CCDC150: variants seen among roughly 807,000 people sequenced by gnomAD.
CCDC150 encodes the protein coiled-coil domain-containing protein 150.
A neutral mutation model predicts 156.5 loss-of-function variants in CCDC150; 151 were observed. The ratio of observed to expected loss-of-function variants is 0.97; its 90% CI spans 0.85 to 1.10. CCDC150 has a LOEUF of 1.10. Ranked by LOEUF, CCDC150 falls within the 50% of genes least tolerant of loss-of-function variation. CCDC150 has a pLI of 0.00. For synonymous variants in CCDC150, 452 were observed against 429.4 expected, an observed-to-expected ratio of 1.05 and a Z score of -0.65; for missense variants, 1,312 against 1,268.1, an observed-to-expected ratio of 1.03 and a Z score of -0.53.
chr2:196,654,382 A>G (rs1489851144), intron 2 of CCDC150, among the ~76,000 whole-genome samples: 1 of 150,998 alleles, frequency 6.6e-6, no homozygotes, highest in African/African-American at 2.4e-5. Flanking sequence ...ATGATGGCAT[A>G]TTGTTCTGTT....
intron 5 of CCDC150, among the ~76,000 whole-genome samples, chr2:196,664,782 A>C (rs918331706): frequency 8.1e-5 from 12 of 147,820 alleles, no homozygotes; most frequent in Admixed American, 2.7e-4. Context: ...CCCACCCCCC[A>C]GCCAATCAGT....
At chr2:196,727,609 C>T (rs568889543) in intron 22 of CCDC150, 7 of 152,038 alleles carry the variant, frequency 4.6e-5, no homozygotes, top group Non-Finnish European at 1.0e-4. Context: ...TTGCAAAGCA[C>T]TATATAAATA....
At chr2:196,706,450 A>G (rs757212456) in intron 15 of CCDC150, among the ~76,000 whole-genome samples, 2 of 152,208 alleles carry the variant, frequency 1.3e-5, no homozygotes, top group Non-Finnish European at 2.9e-5. Flanking sequence ...CAGTCATGTC[A>G]TCTGCAAACA....
chr2:196,732,511 G>T lies in CCDC150; in HGVS notation c.3255G>T (p.Gln1085His). 6.2e-7 allele frequency: 1 copy of T among 1,613,784 alleles called. No individual in the cohort carries two copies. The highest frequency in any genetic ancestry group is 1.1e-5 in the South Asian group (1 of 91,072). The change falls in exon 28 of 28, where the codon CAG (glutamine) becomes CAT (histidine). Residue 1085 changes from glutamine (Q) to histidine (H), a missense_variant. Physicochemically the swap from Gln to His is conservative, Grantham distance 24. Coordinates refer to ENST00000389175, the MANE Select transcript of CCDC150 (RefSeq NM_001080539.2). ...QSVLHRWERKQNLRPMPKKYH... is the reference protein window; with the variant it reads ...QSVLHRWERKHNLRPMPKKYH... Reference sequence around the variant, plus strand: ...TTCTGCATCGATGGGAGAGAAAACAGAATCTTAGGCCCATGCCCAAGAAGT... The same window carrying T: ...TTCTGCATCGATGGGAGAGAAAACATAATCTTAGGCCCATGCCCAAGAAGT...
Position 196,657,098 on chromosome 2 carries a change from A to G in CCDC150, c.538A>G (p.Arg180Gly), listed in dbSNP as rs1693252744. ...EEDKAQDEVQ[R>G]LTATLKIASQ... ...AGACAAGGCACAAGATGAGGTGCAA[A>G]GGTTGACTGCCACTCTGAAGATTGC... The change falls in exon 4 of 28, where the codon AGG becomes GGG. Residue 180 changes from arginine to glycine, a missense_variant. Transcript: ENST00000389175. 1.2e-6 allele frequency: 2 copies of G among 1,613,832 alleles called. No homozygotes were observed. Among genetic ancestry groups the G allele is most frequent in the Non-Finnish European group, 1.7e-6 (2 of 1,179,742 alleles).
At chr2:196,690,427 A>G (rs1034577369) in intron 13 of CCDC150, among the ~76,000 whole-genome samples, 17 of 152,214 alleles carry the variant, frequency 1.1e-4, no homozygotes, top group Admixed American at 3.3e-4. Context: ...AATTGTACAT[A>G]TACTTGAAGT....
At chr2:196,726,123 C>A in intron 22 of CCDC150, 24 bp downstream of exon 22, 2 of 1,610,352 alleles carry the variant, frequency 1.2e-6, no homozygotes, top group South Asian at 2.2e-5. Context: ...AAAAGTTTCT[C>A]TTTTGGTGAA....
rs1285042236 is a variant in CCDC150, at chr2:196,693,243, T to G, written c.1510-1803T>G. On this transcript the variant is annotated intron_variant, in intron 13 of 27. Transcript: ENST00000389175. ...TTGTTGCTCCAACCATTGTTGTGTA[T>G]GTGGTCCGTCATTGACTGAAACATT... 2.0e-5 allele frequency among the ~76,000 whole-genome samples: 3 copies of G among 152,352 alleles called. No homozygotes were observed. In the East Asian group the frequency reaches 5.8e-4, roughly 29 times the overall value.
intron 15 of CCDC150, among the ~76,000 whole-genome samples, chr2:196,705,029 T>TTATAGTAGCATGATTTATAATCCTTTGGG: frequency 6.6e-6 from 1 of 152,338 alleles, no homozygotes; most frequent in African/African-American, 2.4e-5. Context: ...GCATGTGTCT[T>TTATAGTAGCATGATTTATAATCCTTTGGG]TATAGTAGCA....
At chr2:196,686,456 G>A (rs1465200756) in intron 13 of CCDC150, 2 of 152,340 alleles carry the variant, frequency 1.3e-5, no homozygotes, top group Admixed American at 6.5e-5. Flanking sequence ...TGACCTTAAT[G>A]ATGTTTTGTG....
rs144875266 is a variant in CCDC150, at chr2:196,709,963, G to T, written c.1696-2182G>T. The stretch of plus-strand genomic sequence containing the variant: ...GTGTCTCCCAGTTAGACTACATGGG[G>T]GTCAGGGACCCACTTGAGGAGGCAG... On this transcript the variant is annotated intron_variant, in intron 15 of 27. Transcript: ENST00000389175. Among the ~76,000 whole-genome samples the T allele has an allele frequency of 2.0e-5, 3 of 152,310 alleles. No individual in the cohort carries two copies. The South Asian group carries it at 6.2e-4, about 32-fold the overall frequency.
At position 196,732,557 on chromosome 2, in the gene CCDC150, A is replaced by C. The variant is rs1299793039; in HGVS notation, c.3301A>C (p.Lys1101Gln). ...GAAGTATCATTCTGAGGTACAGAGG[A>C]AGTGATGTCCTTGACAAGGGAGCTT... ...PKKYHSEVQR[K>Q] is the part of the protein sequence containing the mutation. The change falls in exon 28 of 28, where the codon AAG (lysine) becomes CAG (glutamine). Residue 1101 changes from lysine (K) to glutamine (Q), a missense_variant. By Grantham distance (53) the Lys-to-Gln change is moderately conservative. Coordinates refer to ENST00000389175, the MANE Select transcript of CCDC150 (RefSeq NM_001080539.2). 6.2e-7 allele frequency: 1 copy of C among 1,601,302 alleles called. No homozygotes were observed. Among genetic ancestry groups the C allele is most frequent in the Non-Finnish European group, 8.6e-7 (1 of 1,168,548 alleles).
intron 4 of CCDC150, among the ~76,000 whole-genome samples, chr2:196,657,943 C>A (rs980075015): frequency 2.6e-5 from 4 of 152,042 alleles, no homozygotes; most frequent in South Asian, 2.1e-4. Flanking sequence ...TATAAACTAG[C>A]CTTACAAGAG....
At chr2:196,719,418 C>T (rs1435529006) in intron 18 of CCDC150, 79 bp from the exon 19 acceptor site, 1 of 1,180,496 alleles carries the variant, frequency 8.5e-7, no homozygotes, top group Non-Finnish European at 1.2e-6. Flanking sequence ...CATGCTCTTT[C>T]CTGGGAGTAA....
At chr2:196,705,984 A>T (rs1016198887) in intron 15 of CCDC150, among the ~76,000 whole-genome samples, 7 of 152,190 alleles carry the variant, frequency 4.6e-5, no homozygotes, top group African/African-American at 1.7e-4. Flanking sequence ...GTCAGGTAGC[A>T]TGATGCCTCC....
At position 196,672,363 on chromosome 2, in the gene CCDC150, A is replaced by G. The variant is rs751967908; in HGVS notation, c.955A>G (p.Asn319Asp). 2 of 1,535,252 alleles carry G rather than the reference A, an allele frequency of 1.3e-6. No individual in the cohort carries two copies. Among genetic ancestry groups the G allele is most frequent in the South Asian group, 1.3e-5 (1 of 77,350 alleles). ...CTTATAGAACCTGCAGATATCTTTC[A>G]ACAAGGAACATGAAGAAAATGCATA... ...EENKNLQISFNKEHEENAYLR... is the reference protein window; with the variant it reads ...EENKNLQISFDKEHEENAYLR... Residue 319 changes from asparagine to aspartate, a missense_variant, in exon 9 of 28, where the codon AAC becomes GAC. Physicochemically the swap from Asn to Asp is conservative, Grantham distance 23. Coordinates refer to ENST00000389175, the MANE Select transcript of CCDC150 (RefSeq NM_001080539.2).
rs1005327986 is a variant in CCDC150 at position 196,665,595 on chromosome 2, A to G, written c.674A>G (p.Tyr225Cys). Reference sequence around the variant, plus strand: ...AGGAGACAACTGGCTCAGGAGAAGTACCTTAGGGAATCTTTAGAGAAATCA... The same window carrying G: ...AGGAGACAACTGGCTCAGGAGAAGTGCCTTAGGGAATCTTTAGAGAAATCA... ...ELRRQLAQEK[Y>C]LRESLEKSAS... The change falls in exon 6 of 28, where the codon TAC (tyrosine) becomes TGC (cysteine). Residue 225 changes from tyrosine (Y) to cysteine (C), a missense_variant. By Grantham distance (194) the Tyr-to-Cys change is radical (BLOSUM62 -2). Transcript: ENST00000389175. 8 of 1,604,256 alleles carry G rather than the reference A, an allele frequency of 5.0e-6. No individual in the cohort carries two copies. In the South Asian group the frequency reaches 7.9e-5, roughly 16 times the overall value.
intron 1 of CCDC150, among the ~76,000 whole-genome samples, chr2:196,644,964 A>C (rs1692446506): frequency 1.4e-5 from 2 of 148,090 alleles, no homozygotes; most frequent in Non-Finnish European, 1.5e-5. Context: ...AAAATACAAA[A>C]AAAAAAAAAA....
intron 3 of CCDC150, 28 bp from the exon 4 acceptor site, chr2:196,656,930 T>C: frequency 6.2e-7 from 1 of 1,612,206 alleles, no homozygotes; most frequent in East Asian, 2.2e-5. Flanking sequence ...TTTCTGCTGC[T>C]TGATGCCCCT....
Sources: gnomAD v4.1 joint callset for allele counts (sites outside exome capture counted in the v4.1 genomes callset) on GRCh38, gnomAD v4.1.1 for gene constraint, MANE v1.5 for transcripts, NCBI Gene and HGNC (gene_info 2026-07-23, HGNC 2026-07-21) for gene names.